The following SGCD variants were observed in gnomAD, a reference collection of about 807,000 sequenced individuals.
The protein encoded by SGCD is sarcoglycan delta.
In SGCD, 18 loss-of-function variants were observed where a neutral mutation model predicts 36.6. That is an observed-to-expected ratio of 0.49 (90% CI 0.34 to 0.73). The LOEUF (loss-of-function observed/expected upper bound fraction) is 0.73. Among genes scored for constraint, SGCD ranks in the 30% least tolerant of loss-of-function variants. SGCD has a pLI of 0.01. For missense variants in SGCD, 387 were observed against 346.7 expected, an observed-to-expected ratio of 1.12 and a Z score of -0.92; for synonymous variants, 133 against 130.6, an observed-to-expected ratio of 1.02 and a Z score of -0.12.
chr5:156,135,324 T>C (rs1458545139), intron 3 of SGCD, among the ~76,000 whole-genome samples: 1 of 152,184 alleles, frequency 6.6e-6, no homozygotes, highest in Non-Finnish European at 1.5e-5. Flanking sequence ...TCCATTCTTA[T>C]TACCTTTCTT....
chr5:156,646,870 A>T (rs1763246009), intron 6 of SGCD, among the ~76,000 whole-genome samples: 1 of 152,182 alleles, frequency 6.6e-6, no homozygotes, highest in Non-Finnish European at 1.5e-5. Context: ...CTAAATGTCT[A>T]GATTGGGTTT....
At chr5:155,860,349 T>C in the SGCD span, among the ~76,000 whole-genome samples, 1 of 152,252 alleles carries the variant, frequency 6.6e-6, no homozygotes, top group Non-Finnish European at 1.5e-5. Context: ...TTTTAACCTA[T>C]TGGTATATTT....
intron 3 of SGCD, among the ~76,000 whole-genome samples, chr5:156,458,977 G>A (rs1156930844): frequency 3.3e-5 from 5 of 152,082 alleles, no homozygotes; most frequent in Non-Finnish European, 7.4e-5. Context: ...CCTGAATCAT[G>A]AATAAAATAA....
the SGCD span, among the ~76,000 whole-genome samples, chr5:155,775,624 A>G: frequency 1.3e-5 from 2 of 152,196 alleles, no homozygotes; most frequent in Non-Finnish European, 2.9e-5. Context: ...ATTAAAAAAA[A>G]GACAGGCAAC....
At chr5:155,780,851 A>G in the SGCD span, among the ~76,000 whole-genome samples, 2 of 152,224 alleles carry the variant, frequency 1.3e-5, no homozygotes, top group African/African-American at 2.4e-5. Context: ...TCTGAGAAAT[A>G]TAACACTCTA....
At chr5:156,528,067 C>T (rs1757717227) in intron 4 of SGCD, among the ~76,000 whole-genome samples, 1 of 151,926 alleles carries the variant, frequency 6.6e-6, no homozygotes, top group Non-Finnish European at 1.5e-5. Context: ...TGTTTGTTTC[C>T]ACTATTACTT....
chr5:156,085,375 G>A (rs1761067848), intron 1 of SGCD, among the ~76,000 whole-genome samples: 1 of 152,056 alleles, frequency 6.6e-6, no homozygotes, highest in South Asian at 2.1e-4. Context: ...GTTGTCAGGA[G>A]ATCTGGTTGT....
intron 1 of SGCD, among the ~76,000 whole-genome samples, chr5:155,916,079 T>C (rs1165887890): frequency 1.3e-5 from 2 of 152,182 alleles, no homozygotes; most frequent in Non-Finnish European, 2.9e-5. Context: ...ATTGTACAAA[T>C]TGAATTCTTA....
At chr5:155,923,430 T>C (rs1756930852) in intron 1 of SGCD, among the ~76,000 whole-genome samples, 1 of 152,202 alleles carries the variant, frequency 6.6e-6, no homozygotes, top group South Asian at 2.1e-4. Context: ...AAGTTGTCAA[T>C]CTGAACCACA....
chr5:156,087,085 G>A (rs1761117304), intron 1 of SGCD, among the ~76,000 whole-genome samples: 1 of 152,216 alleles, frequency 6.6e-6, no homozygotes, highest in Non-Finnish European at 1.5e-5. Context: ...ATATTTAACA[G>A]TAGTAGGATC....
chr5:156,268,649 A>G (rs565018179), intron 3 of SGCD, among the ~76,000 whole-genome samples: 35 of 151,614 alleles, frequency 2.3e-4, no homozygotes, highest in African/African-American at 8.0e-4. Flanking sequence ...CTGGAGTGCA[A>G]TGGTGCAACC....
At chr5:156,743,466 A>T (rs1756793294) in intron 7 of SGCD, among the ~76,000 whole-genome samples, 1 of 152,146 alleles carries the variant, frequency 6.6e-6, no homozygotes, top group Admixed American at 6.5e-5. Flanking sequence ...TTTAACTCAT[A>T]AAATTACTTT....
chr5:156,721,688 A>C (rs918199880), intron 7 of SGCD, among the ~76,000 whole-genome samples: 1 of 152,214 alleles, frequency 6.6e-6, no homozygotes, highest in African/African-American at 2.4e-5. Flanking sequence ...AGAGGCTAGC[A>C]AGATGGTATG....
intron 3 of SGCD, among the ~76,000 whole-genome samples, chr5:156,471,334 A>G (rs1754952743): frequency 6.6e-6 from 1 of 152,186 alleles, no homozygotes; most frequent in Non-Finnish European, 1.5e-5. Flanking sequence ...CAGAGGACTA[A>G]GATAGCCAAA....
intron 7 of SGCD, among the ~76,000 whole-genome samples, chr5:156,746,002 C>G (rs558025621): frequency 4.3e-4 from 63 of 146,804 alleles, no homozygotes; most frequent in African/African-American, 1.5e-3. Context: ...AAGAAAGACA[C>G]AAAACCACAA....
At chr5:156,488,894 T>C (rs1414127285) in intron 3 of SGCD, among the ~76,000 whole-genome samples, 1 of 152,162 alleles carries the variant, frequency 6.6e-6, no homozygotes, top group Non-Finnish European at 1.5e-5. Flanking sequence ...AAACCTTGAA[T>C]GCAAATGGAT....
chr5:156,254,539 A>AT (rs1163875508), intron 3 of SGCD, among the ~76,000 whole-genome samples: 5 of 151,878 alleles, frequency 3.3e-5, no homozygotes, highest in Admixed American at 2.0e-4. Context: ...ATTATATGAT[A>AT]TTTTTTCTCT....
At chr5:156,491,580 A>G (rs963488141) in intron 3 of SGCD, among the ~76,000 whole-genome samples, 2 of 152,186 alleles carry the variant, frequency 1.3e-5, no homozygotes, top group African/African-American at 4.8e-5. Flanking sequence ...TGCACTCCAT[A>G]AATAAGTACA....
intron 7 of SGCD, among the ~76,000 whole-genome samples, chr5:156,687,274 G>A (rs2113697233): frequency 6.6e-6 from 1 of 152,302 alleles, no homozygotes; most frequent in African/African-American, 2.4e-5. Context: ...TTCCCACCCA[G>A]CACAAATGTG....
Sources: allele counts gnomAD v4.1 joint callset (sites outside exome capture counted in the v4.1 genomes callset), GRCh38; gene constraint gnomAD v4.1.1; transcripts MANE v1.5; gene names NCBI Gene and HGNC (gene_info 2026-07-23, HGNC 2026-07-21).